The following PRKG1 variants were observed in gnomAD, a reference collection of about 807,000 sequenced individuals.
PRKG1 encodes cGMP-dependent protein kinase 1.
In PRKG1, 35 loss-of-function variants were observed where a neutral mutation model predicts 88.1. That is an observed-to-expected ratio of 0.40 (90% CI 0.30 to 0.53). The LOEUF is 0.53. PRKG1 is among the 20% of genes least tolerant of loss of function. The probability of loss-of-function intolerance (pLI) is 0.59; values close to 1 mark genes in which losing one functional copy is unlikely to be tolerated. For synonymous variants in PRKG1, 303 were observed against 292.5 expected (o/e 1.04, Z -0.37); for missense variants, 540 against 839.8 (o/e 0.64, Z 4.41).
chr10:51,338,574 A>C (rs1161577217), intron 2 of PRKG1, among the ~76,000 whole-genome samples: 1 of 152,172 alleles, frequency 6.6e-6, no homozygotes, highest in Non-Finnish European at 1.5e-5. Context: ...CTTGTGTCAG[A>C]ATTCTCAATG....
intron 9 of PRKG1, among the ~76,000 whole-genome samples, chr10:52,219,063 C>T (rs569578788): frequency 1.3e-5 from 2 of 151,794 alleles, no homozygotes; most frequent in African/African-American, 4.8e-5. Context: ...AAGTACATTC[C>T]CTTGTGGGAC....
At chr10:51,392,586 C>T (rs1173731068) in intron 2 of PRKG1, among the ~76,000 whole-genome samples, 1 of 151,814 alleles carries the variant, frequency 6.6e-6, no homozygotes, top group Non-Finnish European at 1.5e-5. Flanking sequence ...CCACCTTTCC[C>T]CCCTTTCTAT....
intron 5 of PRKG1, among the ~76,000 whole-genome samples, chr10:51,954,680 C>A (rs944649956): frequency 6.6e-6 from 1 of 152,070 alleles, no homozygotes; most frequent in Non-Finnish European, 1.5e-5. Flanking sequence ...TGTATCTTGG[C>A]GATTTGTAAG....
At chr10:51,940,392 T>C (rs1321627257) in intron 5 of PRKG1, among the ~76,000 whole-genome samples, 1 of 151,934 alleles carries the variant, frequency 6.6e-6, no homozygotes, top group Non-Finnish European at 1.5e-5. Flanking sequence ...AGGTTAATCC[T>C]GGCTGCTCTT....
intron 9 of PRKG1, among the ~76,000 whole-genome samples, chr10:52,183,667 A>G (rs1181957504): frequency 6.6e-6 from 1 of 152,216 alleles, no homozygotes; most frequent in Non-Finnish European, 1.5e-5. Context: ...TGTAGTGCCT[A>G]CTGGCACCTA....
chr10:51,008,547 A>G (rs1392517582), intron 1 of PRKG1, among the ~76,000 whole-genome samples: 1 of 152,008 alleles, frequency 6.6e-6, no homozygotes, highest in Non-Finnish European at 1.5e-5. Context: ...TTGCATTCCA[A>G]TCTTTGCCTT....
intron 14 of PRKG1, among the ~76,000 whole-genome samples, chr10:52,286,024 A>G (rs1387148447): frequency 1.3e-5 from 2 of 152,076 alleles, no homozygotes; most frequent in Non-Finnish European, 2.9e-5. Context: ...CTTTAATTAC[A>G]TAATAAAAAT....
At chr10:52,194,955 C>T (rs1431191772) in intron 9 of PRKG1, among the ~76,000 whole-genome samples, 1 of 152,152 alleles carries the variant, frequency 6.6e-6, no homozygotes, top group Non-Finnish European at 1.5e-5. Flanking sequence ...GTGACACTTG[C>T]TGTATTGAAT....
chr10:51,204,503 T>C (rs753124351), intron 2 of PRKG1, among the ~76,000 whole-genome samples: 7 of 152,128 alleles, frequency 4.6e-5, no homozygotes, highest in Non-Finnish European at 8.8e-5. Flanking sequence ...TCTATGCTTT[T>C]TGTCAGGCCA....
At chr10:51,052,616 T>C (rs1028043489) in intron 1 of PRKG1, among the ~76,000 whole-genome samples, 3 of 152,236 alleles carry the variant, frequency 2.0e-5, no homozygotes, top group Non-Finnish European at 4.4e-5. Flanking sequence ...AGCACAACTT[T>C]GTTTCGTGTA....
intron 5 of PRKG1, among the ~76,000 whole-genome samples, chr10:52,030,619 G>C (rs988082142): frequency 6.6e-6 from 1 of 152,164 alleles, no homozygotes; most frequent in Non-Finnish European, 1.5e-5. Flanking sequence ...GGCAGCAAGG[G>C]AAGAAACAGA....
At chr10:51,011,033 A>T (rs1842987723) in intron 1 of PRKG1, among the ~76,000 whole-genome samples, 1 of 152,154 alleles carries the variant, frequency 6.6e-6, no homozygotes, top group African/African-American at 2.4e-5. Flanking sequence ...AAATTGTGGG[A>T]TTCTCCAGTG....
chr10:51,606,219 C>T (rs1476797311), intron 3 of PRKG1, among the ~76,000 whole-genome samples: 2 of 152,034 alleles, frequency 1.3e-5, no homozygotes, highest in Non-Finnish European at 2.9e-5. Flanking sequence ...AAAGTATTTT[C>T]AAAACTGTTT....
In PRKG1 at chr10:51,150,428, A is replaced by G. The variant is rs533451473; in HGVS notation, c.312-2736A>G. On this transcript the variant is annotated intron_variant, in intron 1 of 17. Transcript: ENST00000373980. ...AGTTGACCTAAGGTTTTCAGTCCTC[A>G]ATAGGAAAGGACTTAAAGGAAAATT... 2.6e-5 allele frequency among the ~76,000 whole-genome samples: 4 copies of G among 152,284 alleles called. No homozygotes were observed. The South Asian group carries it at 6.2e-4, about 24-fold the overall frequency.
chr10:51,712,873 G>A (rs1007591309), intron 3 of PRKG1, among the ~76,000 whole-genome samples: 1 of 151,868 alleles, frequency 6.6e-6, no homozygotes, highest in Non-Finnish European at 1.5e-5. Context: ...ACATAAGACA[G>A]CCATGTGAAT....
intron 5 of PRKG1, among the ~76,000 whole-genome samples, chr10:51,923,254 T>C (rs1842500276): frequency 6.6e-6 from 1 of 151,940 alleles, no homozygotes; most frequent in East Asian, 1.9e-4. Flanking sequence ...TATATCTTTT[T>C]CCATCTCTTA....
At chr10:52,122,789 A>G (rs2132614544) in intron 7 of PRKG1, among the ~76,000 whole-genome samples, 1 of 152,322 alleles carries the variant, frequency 6.6e-6, no homozygotes, top group East Asian at 1.9e-4. Context: ...GAATGTAAAG[A>G]ATATTATCTG....
At chr10:52,141,740 AATT>A (rs1027507677) in intron 8 of PRKG1, among the ~76,000 whole-genome samples, 1 of 152,160 alleles carries the variant, frequency 6.6e-6, no homozygotes, top group African/African-American at 2.4e-5. Flanking sequence ...ACACTTAAGA[AATT>A]ATTGTTAAAA....
At chr10:51,051,427 ATTTATTATTCTTGGCACCC>A (rs1457052231) in intron 1 of PRKG1, among the ~76,000 whole-genome samples, 2 of 152,026 alleles carry the variant, frequency 1.3e-5, no homozygotes, top group African/African-American at 2.4e-5. Flanking sequence ...TCCTTTCCCC[ATTTATTATTCTTGGCACCC>A]TTGTTGAAGA....
Sources: gnomAD v4.1 joint callset for allele counts (sites outside exome capture counted in the v4.1 genomes callset) on GRCh38, gnomAD v4.1.1 for gene constraint, MANE v1.5 for transcripts, NCBI Gene and HGNC (gene_info 2026-07-23, HGNC 2026-07-21) for gene names.